SIN3A: variants seen among roughly 807,000 people sequenced by gnomAD.
SIN3A encodes SIN3 transcription regulator family member A, also known as paired amphipathic helix protein Sin3a.
A neutral mutation model predicts 146.1 loss-of-function variants in SIN3A; 14 were observed. The observed-to-expected ratio is 0.10, with a 90% CI of 0.06 to 0.15. The LOEUF (loss-of-function observed/expected upper bound fraction) is 0.15, where lower values mean the gene tolerates loss of function less well. SIN3A is among the 10% of genes least tolerant of loss of function. SIN3A has a pLI of 1.00. For missense variants in SIN3A, 1,028 were observed against 1,576.0 expected, an observed-to-expected ratio of 0.65 and a Z score of 5.89; for synonymous variants, 572 against 572.0, an observed-to-expected ratio of 1.00 and a Z score of 0.00.
intron 15 of SIN3A, 75 bp downstream of exon 15, chr15:75,392,167 G>T: frequency 7.9e-7 from 1 of 1,272,918 alleles, no homozygotes; most frequent in Non-Finnish European, 1.1e-6. Context: ...AATAAAAGAA[G>T]CAGTCCCAAG....
chr15:75,406,882 T>C (rs1415403803), intron 9 of SIN3A, among the ~76,000 whole-genome samples, 173 bp downstream of exon 9: 2 of 152,262 alleles, frequency 1.3e-5, no homozygotes, highest in African/African-American at 4.8e-5. Context: ...ACCATTTTTC[T>C]AGCTATGCTA....
chr15:75,375,923 C>T (rs749964156), intron 19 of SIN3A, 51 bp from the exon 20 acceptor site: 19 of 1,574,388 alleles, frequency 1.2e-5, no homozygotes, highest in Non-Finnish European at 1.4e-5. Context: ...TGCAGATTCC[C>T]GTGACTTCCC....
Position 75,372,211 on chromosome 15 carries a change from T to A in SIN3A, c.3592-2A>T. The A allele has an allele frequency of 6.4e-7, 1 of 1,550,990 alleles. No individual in the cohort carries two copies. On this transcript the variant is annotated splice_acceptor_variant, in intron 20 of 20. Coordinates refer to ENST00000394947, the MANE Select transcript of SIN3A (RefSeq NM_001145358.2). LOFTEE classifies it high-confidence loss of function. ...ACGCTTGCTTACACGCTCATGGGAC[T>A]GCAAAACAGAAAAAAAAAATTTTAT...
chr15:75,425,971 AAAG>A (rs1003567297), intron 2 of SIN3A, among the ~76,000 whole-genome samples: 12 of 152,252 alleles, frequency 7.9e-5, no homozygotes, highest in Non-Finnish European at 1.8e-4. Context: ...TTAAGAGTAA[AAAG>A]AAACTATTTA....
At chr15:75,399,447 G>T (rs746049335) in intron 12 of SIN3A, among the ~76,000 whole-genome samples, 1 of 152,124 alleles carries the variant, frequency 6.6e-6, no homozygotes, top group African/African-American at 2.4e-5. Flanking sequence ...AGAATGGCAT[G>T]AACCTGGGAG....
At chr15:75,433,395 TATC>T (rs1489986931) in intron 1 of SIN3A, among the ~76,000 whole-genome samples, 1 of 152,188 alleles carries the variant, frequency 6.6e-6, no homozygotes, top group Non-Finnish European at 1.5e-5. Context: ...TTTATTCTGA[TATC>T]ATACTCTATC....
chr15:75,450,447 A>G (rs2074382184), intron 1 of SIN3A, among the ~76,000 whole-genome samples: 1 of 151,988 alleles, frequency 6.6e-6, no homozygotes, highest in Non-Finnish European at 1.5e-5. Context: ...CCTCCGCCAC[A>G]TTTCTAGTCT....
upstream of SIN3A, among the ~76,000 whole-genome samples, chr15:75,454,261 G>A (rs1312798781): frequency 5.3e-5 from 8 of 152,216 alleles, no homozygotes; most frequent in Non-Finnish European, 1.0e-4. Flanking sequence ...AGAAAAAAAG[G>A]GAGTCTCGCC....
chr15:75,412,574 T>C (rs544131165), intron 5 of SIN3A, among the ~76,000 whole-genome samples, 189 bp downstream of exon 5: 49 of 152,228 alleles, frequency 3.2e-4, no homozygotes, highest in Non-Finnish European at 5.9e-4. Context: ...TTGATTTAAA[T>C]AGATACCTAA....
At chr15:75,455,586 C>A (rs952078237), upstream of SIN3A, 5 of 152,356 alleles carry the variant, frequency 3.3e-5, no homozygotes, top group African/African-American at 1.2e-4. Context: ...CACACACTGG[C>A]GAGCGGGCGG....
At chr15:75,436,747 G>A (rs2074114288) in intron 1 of SIN3A, among the ~76,000 whole-genome samples, 1 of 151,576 alleles carries the variant, frequency 6.6e-6, no homozygotes, top group Non-Finnish European at 1.5e-5. Context: ...ACATCCACAG[G>A]TTCTGAGGAT....
At chr15:75,380,593 A>G (rs1401956425) in intron 19 of SIN3A, 36 bp downstream of exon 19, 1 of 1,427,740 alleles carries the variant, frequency 7.0e-7, no homozygotes. Flanking sequence ...AATCATGCAC[A>G]GTATGGACTG....
Position 75,370,531 on chromosome 15 carries a change from TAAAA to T in SIN3A, c.*1444_*1447del, listed in dbSNP as rs1026769995. The T allele has an allele frequency of 6.6e-6, 1 of 152,096 alleles. No homozygotes were observed. The highest frequency in any genetic ancestry group is 1.9e-4 in the East Asian group (1 of 5,196). The allele number at this position is 152,096 out of a possible 1,614,324, so 9.4% of individuals were successfully genotyped here. ...GTCTGCTAGTTTAAATTTATGTAAT[TAAAA>T]AAATAGGTATCCCATTTCAAATTCT... On this transcript the variant is annotated 3_prime_UTR_variant, in exon 21 of 21. Coordinates refer to ENST00000394947, the MANE Select transcript of SIN3A (RefSeq NM_001145358.2).
rs1175718627 is a variant in SIN3A, at chr15:75,392,734, G to T, written c.2359C>A (p.Leu787Met). 5 of 1,614,190 alleles carry T rather than the reference G, an allele frequency of 3.1e-6. No individual in the cohort carries two copies. Among genetic ancestry groups the T allele is most frequent in the Admixed American group, 1.7e-5 (1 of 60,026 alleles). ...ATAATCAGAGCAGCAGCATCTTCCA[G>T]TATTTGTTTGTCTTCATACGCAAGT... ...LSLAYEDKQI[L>M]EDAAALIIHH... The change falls in exon 15 of 21, where the codon CTG becomes ATG. Residue 787 changes from leucine to methionine, a missense_variant. Transcript: ENST00000394947.
In SIN3A at chr15:75,371,855, G is replaced by A; in HGVS notation, c.*124C>T. ...GCACCAGCCACACACAGGTCAGGTG[G>A]CCATGTCCCAGAGAGGCCCAGTGAG... On this transcript the variant is annotated 3_prime_UTR_variant, in exon 21 of 21. Transcript: ENST00000394947. The A allele has an allele frequency of 2.5e-6, 2 of 815,578 alleles. No homozygotes were observed. 50.5% of individuals were successfully genotyped at this position (815,578 alleles called of 1,614,324 possible). A position where few individuals can be genotyped will look rare whatever the true frequency, so the allele number is the denominator to read the frequency against.
chr15:75,411,138 C>G (rs937944657), intron 6 of SIN3A, among the ~76,000 whole-genome samples: 2 of 152,152 alleles, frequency 1.3e-5, no homozygotes, highest in Non-Finnish European at 2.9e-5. Flanking sequence ...ACCAGCCTAG[C>G]CAACATAGTG....
At position 75,370,210 on chromosome 15, in the gene SIN3A, T is replaced by G. The variant is rs773667376; in HGVS notation, c.*1769A>C. The G allele has an allele frequency of 6.6e-6, 1 of 152,204 alleles. No individual in the cohort carries two copies. Among genetic ancestry groups the G allele is most frequent in the Non-Finnish European group, 1.5e-5 (1 of 68,042 alleles). 9.4% of individuals were successfully genotyped at this position (152,204 alleles called of 1,614,324 possible). On this transcript the variant is annotated 3_prime_UTR_variant, in exon 21 of 21. Coordinates refer to ENST00000394947, the MANE Select transcript of SIN3A (RefSeq NM_001145358.2). ...CTATGATCGTGGCACTGCACTCCAG[T>G]GTGGGTCATAAAGCGAGACACTGTC...
At chr15:75,403,386 C>T (rs959023458) in intron 9 of SIN3A, among the ~76,000 whole-genome samples, 15 of 150,310 alleles carry the variant, frequency 1.0e-4, no homozygotes, top group Non-Finnish European at 1.8e-4. Context: ...GCCAAGATCA[C>T]GCCACTGTAC....
At chr15:75,386,176 C>T (rs912628392) in intron 16 of SIN3A, among the ~76,000 whole-genome samples, 14 of 152,218 alleles carry the variant, frequency 9.2e-5, no homozygotes, top group African/African-American at 3.4e-4. Flanking sequence ...CAGGCATGTG[C>T]CACCACGCCC....
Sources: allele counts gnomAD v4.1 joint callset (sites outside exome capture counted in the v4.1 genomes callset), GRCh38; gene constraint gnomAD v4.1.1; transcripts MANE v1.5; gene names NCBI Gene and HGNC (gene_info 2026-07-23, HGNC 2026-07-21).